MSI2: variants seen among roughly 807,000 people sequenced by gnomAD.
MSI2 encodes RNA-binding protein Musashi homolog 2.
Under a neutral mutation model 45.6 loss-of-function variants are expected in MSI2, and 17 were observed. The ratio of observed to expected loss-of-function variants is 0.37; its 90% CI spans 0.26 to 0.56. The LOEUF is 0.56. Ranked by LOEUF, MSI2 falls within the 20% of genes least tolerant of loss-of-function variation. The probability of loss-of-function intolerance (pLI) is 0.77; values close to 1 mark genes in which losing one functional copy is unlikely to be tolerated. For synonymous variants in MSI2, 156 were observed against 158.2 expected (o/e 0.99, Z 0.11); for missense variants, 293 against 444.2 (o/e 0.66, Z 3.06).
chr17:57,377,173 G>A (rs745846481), intron 5 of MSI2, among the ~76,000 whole-genome samples: 96 of 152,104 alleles, frequency 6.3e-4, no homozygotes, highest in Non-Finnish European at 1.2e-3. Context: ...GCCCACCTTG[G>A]CCTCCCAAAG....
chr17:57,648,401 G>A (rs1423086907), intron 10 of MSI2, among the ~76,000 whole-genome samples: 7 of 152,150 alleles, frequency 4.6e-5, no homozygotes, highest in Admixed American at 2.6e-4. Context: ...TTTACAGTTG[G>A]GGACATCAAG....
chr17:57,450,585 C>T (rs902506046), intron 6 of MSI2, among the ~76,000 whole-genome samples: 2 of 139,986 alleles, frequency 1.4e-5, no homozygotes, highest in Non-Finnish European at 3.0e-5. Context: ...CAGGAAAATT[C>T]GCTTGAACTC....
At chr17:57,306,124 G>A (rs1042101657) in intron 5 of MSI2, among the ~76,000 whole-genome samples, 6 of 151,846 alleles carry the variant, frequency 4.0e-5, no homozygotes, top group African/African-American at 9.7e-5. Context: ...CTTGCTCTGG[G>A]GGTTGGGGAA....
chr17:57,474,869 C>T (rs1273710172), intron 6 of MSI2, among the ~76,000 whole-genome samples: 2 of 152,124 alleles, frequency 1.3e-5, no homozygotes, highest in Non-Finnish European at 2.9e-5. Flanking sequence ...CAGGCGTGCA[C>T]CACCACCCCT....
intron 11 of MSI2, among the ~76,000 whole-genome samples, chr17:57,673,428 T>C (rs907873387): frequency 2.6e-5 from 4 of 152,120 alleles, no homozygotes; most frequent in African/African-American, 9.7e-5. Context: ...GGAGAAGTGA[T>C]TGTTGCAAGG....
intron 5 of MSI2, among the ~76,000 whole-genome samples, chr17:57,293,734 G>A (rs1216957790): frequency 1.3e-4 from 19 of 151,344 alleles, no homozygotes; most frequent in African/African-American, 7.3e-5. Flanking sequence ...TCAGCTTCCC[G>A]AGTAGCTGGG....
intron 6 of MSI2, among the ~76,000 whole-genome samples, chr17:57,502,544 CTAT>C (rs1163341578): frequency 7.3e-6 from 1 of 137,568 alleles, no homozygotes; most frequent in African/African-American, 2.7e-5. Context: ...GAATTAGCTG[CTAT>C]TATTATTGTT....
chr17:57,676,970 C>T lies in MSI2; in HGVS notation c.946-17C>T. ...ATGTATAGCACACTGATGACCTTAA[C>T]AATTGTGCAATTTTAGGGACCTTTG... On this transcript the variant is annotated splice_polypyrimidine_tract_variant and intron_variant, in intron 12 of 13. Coordinates refer to ENST00000284073, the MANE Select transcript of MSI2 (RefSeq NM_138962.4). The T allele has an allele frequency of 6.4e-7, 1 of 1,571,072 alleles. No individual in the cohort carries two copies. Among genetic ancestry groups the T allele is most frequent in the Non-Finnish European group, 8.8e-7 (1 of 1,140,482 alleles).
intron 7 of MSI2, among the ~76,000 whole-genome samples, chr17:57,535,748 G>T (rs1461936236): frequency 6.6e-6 from 1 of 152,194 alleles, no homozygotes; most frequent in African/African-American, 2.4e-5. Flanking sequence ...AGTGGTTGGG[G>T]ATCCAGCCAG....
At chr17:57,664,935 G>A (rs951850346) in intron 11 of MSI2, among the ~76,000 whole-genome samples, 1 of 152,164 alleles carries the variant, frequency 6.6e-6, no homozygotes, top group African/African-American at 2.4e-5. Flanking sequence ...CTGCATCACA[G>A]ACCCATCAAA....
At chr17:57,546,274 C>A (rs2087164850) in intron 7 of MSI2, among the ~76,000 whole-genome samples, 1 of 152,152 alleles carries the variant, frequency 6.6e-6, no homozygotes, top group Non-Finnish European at 1.5e-5. Flanking sequence ...AACAGACATT[C>A]AATCAAAATG....
At chr17:57,697,329 C>T in the MSI2 span, among the ~76,000 whole-genome samples, 1 of 151,942 alleles carries the variant, frequency 6.6e-6, no homozygotes, top group Non-Finnish European at 1.5e-5. Context: ...ACTTTACTCA[C>T]ACTCAGCCCT....
chr17:57,367,603 C>G (rs575797129), intron 5 of MSI2, among the ~76,000 whole-genome samples: 22 of 152,306 alleles, frequency 1.4e-4, no homozygotes, highest in Non-Finnish European at 2.8e-4. Context: ...GCAGACCGAG[C>G]TCCTGGGCCC....
At chr17:57,587,430 G>A (rs1307515442) in intron 7 of MSI2, among the ~76,000 whole-genome samples, 4 of 152,170 alleles carry the variant, frequency 2.6e-5, no homozygotes, top group African/African-American at 7.2e-5. Context: ...TGCCGCCAAC[G>A]TAGCTTAATA....
At chr17:57,338,946 T>A (rs1377195367) in intron 5 of MSI2, among the ~76,000 whole-genome samples, 1 of 152,164 alleles carries the variant, frequency 6.6e-6, no homozygotes, top group Non-Finnish European at 1.5e-5. Flanking sequence ...CTGAAGAGGC[T>A]TTCCAGATCA....
At chr17:57,544,574 T>A (rs1475316844) in intron 7 of MSI2, among the ~76,000 whole-genome samples, 3 of 152,182 alleles carry the variant, frequency 2.0e-5, no homozygotes, top group African/African-American at 7.2e-5. Flanking sequence ...TTATTAGTCA[T>A]TCCATGAAGA....
In MSI2 at chr17:57,611,317, G is replaced by A. The variant is rs1402894548; in HGVS notation, c.538-4653G>A. ...TAGAGGACCATGGGGAGCCAGGCAG[G>A]CCTGTGTGGGGCTACAGTGGGAAGG... On this transcript the variant is annotated intron_variant, in intron 8 of 13. Coordinates refer to ENST00000284073, the MANE Select transcript of MSI2 (RefSeq NM_138962.4). Among the ~76,000 whole-genome samples the A allele has an allele frequency of 2.1e-5, 2 of 95,720 alleles. 1 individual carries two copies. Among genetic ancestry groups the A allele is most frequent in the Non-Finnish European group, 5.0e-5 (2 of 39,692 alleles). 62.8% of individuals were successfully genotyped at this position (95,720 alleles called of 152,430 possible). A position where few individuals can be genotyped will look rare whatever the true frequency, so the allele number is the denominator to read the frequency against.
intron 6 of MSI2, among the ~76,000 whole-genome samples, chr17:57,467,962 C>G (rs1310602224): frequency 6.6e-6 from 1 of 150,526 alleles, no homozygotes; most frequent in Non-Finnish European, 1.5e-5. Context: ...GATGTGTCCT[C>G]TCTGGGTCCA....
chr17:57,369,613 GA>G (rs2083391759), intron 5 of MSI2, among the ~76,000 whole-genome samples: 1 of 152,214 alleles, frequency 6.6e-6, no homozygotes. Context: ...TTCAGATTAA[GA>G]AATCGTAAAG....
Sources: allele counts gnomAD v4.1 joint callset (sites outside exome capture counted in the v4.1 genomes callset), GRCh38; gene constraint gnomAD v4.1.1; transcripts MANE v1.5; gene names NCBI Gene and HGNC (gene_info 2026-07-23, HGNC 2026-07-21).